Variants in AGAP1 observed in about 807,000 individuals in gnomAD.
AGAP1 encodes the protein ArfGAP with GTPase domain, ankyrin repeat and PH domain 1.
A neutral mutation model predicts 105.3 loss-of-function variants in AGAP1; 29 were observed. That is an observed-to-expected ratio of 0.28 (90% confidence interval 0.21 to 0.38). AGAP1 has a LOEUF of 0.38. Among genes scored for constraint, AGAP1 ranks in the 10% least tolerant of loss-of-function variants. The pLI is 1.00. For missense variants in AGAP1, 998 were observed against 1,165.1 expected (o/e 0.86, Z 2.09); for synonymous variants, 509 against 485.9 (o/e 1.05, Z -0.63).
At chr2:235,668,290 C>A (rs1948196655) in intron 1 of AGAP1, among the ~76,000 whole-genome samples, 1 of 152,164 alleles carries the variant, frequency 6.6e-6, no homozygotes. Flanking sequence ...TAGGCTATAA[C>A]TTCTATAACT....
chr2:236,109,688 C>T lies in AGAP1; in HGVS notation c.2115-10504C>T, dbSNP rs988056972. Among the ~76,000 whole-genome samples the T allele has an allele frequency of 1.3e-5, 2 of 152,224 alleles. No homozygotes were observed. The highest frequency in any genetic ancestry group is 2.4e-5 in the African/African-American group (1 of 41,454). ...AGCGTCGGTGCTCTGGACCGGCAGC[C>T]GTGGAAACGTTCTGGATCCGAGCAT... On this transcript the variant is annotated intron_variant, in intron 16 of 17. Coordinates refer to ENST00000304032, the MANE Select transcript of AGAP1 (RefSeq NM_001037131.3). This position sits in a 1 kb window ranked among gnomAD's most constrained non-coding sequence, Gnocchi z 5.4.
chr2:235,926,350 C>T (rs987477064), intron 11 of AGAP1, among the ~76,000 whole-genome samples: 4 of 152,154 alleles, frequency 2.6e-5, no homozygotes, highest in Non-Finnish European at 4.4e-5. Context: ...AAACTGTGGC[C>T]ACTGGCCTGG....
At chr2:235,837,028 C>T (rs1003675354) in intron 9 of AGAP1, among the ~76,000 whole-genome samples, 9 of 152,176 alleles carry the variant, frequency 5.9e-5, no homozygotes, top group African/African-American at 9.7e-5. Context: ...TCTTGTTGCC[C>T]GGTCTGGAGT....
rs563448818 is a variant in AGAP1 at position 236,056,456 on chromosome 2, G to T, written c.2114+7175G>T. Among the ~76,000 whole-genome samples the T allele has an allele frequency of 2.0e-5, 3 of 152,332 alleles. No homozygotes were observed. In the South Asian group the frequency reaches 6.2e-4, roughly 32 times the overall value. On this transcript the variant is annotated intron_variant, in intron 16 of 17. Transcript: ENST00000304032. The surrounding 1 kb of genome is among the most constrained non-coding windows in gnomAD (Gnocchi z 4.6). ...AGATGAGAAGGCAAGTCATCAGCAG[G>T]CAGCAACTGGCTTCCAGGTGCCCTG...
intron 1 of AGAP1, among the ~76,000 whole-genome samples, chr2:235,646,997 G>C (rs1401314965): frequency 1.3e-5 from 2 of 152,034 alleles, no homozygotes; most frequent in African/African-American, 4.8e-5. Context: ...TTAGCTGGGC[G>C]TGGTGGCAGG....
At chr2:235,757,127 A>T (rs1312143913) in intron 6 of AGAP1, among the ~76,000 whole-genome samples, 1 of 152,212 alleles carries the variant, frequency 6.6e-6, no homozygotes, top group East Asian at 1.9e-4. Context: ...TACATGCAGA[A>T]CTTTGATAGT....
chr2:235,528,593 GT>G (rs1208285454), intron 1 of AGAP1, among the ~76,000 whole-genome samples: 2 of 152,114 alleles, frequency 1.3e-5, no homozygotes, highest in African/African-American at 4.8e-5. Flanking sequence ...AATAAATGAT[GT>G]TTGCTCCGCT....
At chr2:235,807,366 C>A (rs537595480) in intron 9 of AGAP1, 35 bp downstream of exon 9, 1 of 1,548,550 alleles carries the variant, frequency 6.5e-7, no homozygotes, top group Non-Finnish European at 8.7e-7. Flanking sequence ...TCCCTGTCGC[C>A]GGAGATACAC....
chr2:235,648,303 G>C (rs1947460073), intron 1 of AGAP1, among the ~76,000 whole-genome samples: 1 of 152,064 alleles, frequency 6.6e-6, no homozygotes, highest in Non-Finnish European at 1.5e-5. Context: ...TTGTGAAAGT[G>C]CAGCAGTGCA....
rs964631381 is a variant in AGAP1 at position 235,865,465 on chromosome 2, A to C, written c.1051-17880A>C. 6.6e-6 allele frequency among the ~76,000 whole-genome samples: 1 copy of C among 152,152 alleles called. No homozygotes were observed. Among genetic ancestry groups the C allele is most frequent in the African/African-American group, 2.4e-5 (1 of 41,566 alleles). On this transcript the variant is annotated intron_variant, in intron 9 of 17. Coordinates refer to ENST00000304032, the MANE Select transcript of AGAP1 (RefSeq NM_001037131.3). This position sits in a 1 kb window ranked among gnomAD's most constrained non-coding sequence, Gnocchi z 6.2. Reference sequence around the variant, plus strand: ...GATTGCTGGAGATGCTGACAGCTCAATTAAAGTGTAACCCTTTGTGCCCTG... The same window carrying C: ...GATTGCTGGAGATGCTGACAGCTCACTTAAAGTGTAACCCTTTGTGCCCTG...
rs567759356 is a variant in AGAP1, at chr2:235,645,103, C to A, written c.164-64076C>A. Among the ~76,000 whole-genome samples, 369 of 152,190 alleles carry A rather than the reference C, an allele frequency of 2.4e-3. 3 individuals carry two copies. The highest frequency in any genetic ancestry group is 8.6e-3 in the African/African-American group (359 of 41,508). On this transcript the variant is annotated intron_variant, in intron 1 of 17. Transcript: ENST00000304032. ...TAGAGACAGGGTTTTACCATGTTGG[C>A]CAGGCTGGTCTAGAATTCCTGACCT...
rs1209289777 is a variant in AGAP1, at chr2:236,109,433, TAATA to T, written c.2115-10755_2115-10752del. On this transcript the variant is annotated intron_variant, in intron 16 of 17. Transcript: ENST00000304032. This position sits in a 1 kb window ranked among gnomAD's most constrained non-coding sequence, Gnocchi z 5.4. ...TTGTAATTATTATAAATATTTATAA[TAATA>T]AATTATAGATAGTTTTGATAGGGAA... is the stretch of plus-strand genomic sequence containing the variant. Among the ~76,000 whole-genome samples the T allele has an allele frequency of 1.3e-5, 2 of 152,100 alleles. No individual in the cohort carries two copies. The highest frequency in any genetic ancestry group is 4.8e-5 in the African/African-American group (2 of 41,446).
intron 1 of AGAP1, among the ~76,000 whole-genome samples, chr2:235,697,121 G>T (rs927436910): frequency 1.3e-5 from 2 of 152,206 alleles, no homozygotes; most frequent in African/African-American, 4.8e-5. Flanking sequence ...CCAGGCACCA[G>T]CCAGCTTTAG....
intron 1 of AGAP1, among the ~76,000 whole-genome samples, chr2:235,512,099 G>GAGTA (rs55960286): frequency 1.4e-5 from 2 of 146,076 alleles, no homozygotes; most frequent in South Asian, 4.5e-4. Flanking sequence ...ATGTGTGTGT[G>GAGTA]TGTGAATGTG....
In AGAP1 at chr2:236,082,880, G is replaced by C. The variant is rs139521489; in HGVS notation, c.2114+33599G>C. On this transcript the variant is annotated intron_variant, in intron 16 of 17. Transcript: ENST00000304032. This position sits in a 1 kb window ranked among gnomAD's most constrained non-coding sequence, Gnocchi z 4.2. ...ACAAGAGCAAAACTCCATCAGCCGG[G>C]CACAATGGCTCACGCCTGTAATCCC... is the stretch of plus-strand genomic sequence containing the variant. Among the ~76,000 whole-genome samples the C allele has an allele frequency of 1.3e-4, 19 of 150,786 alleles. No homozygotes were observed. Among genetic ancestry groups the C allele is most frequent in the Non-Finnish European group, 2.4e-4 (16 of 67,852 alleles).
chr2:235,902,537 A>T (rs570492805), intron 10 of AGAP1, among the ~76,000 whole-genome samples: 6 of 152,356 alleles, frequency 3.9e-5, no homozygotes, highest in African/African-American at 1.4e-4. Flanking sequence ...TTTTCATCAT[A>T]TAACATCAAA....
In AGAP1 at chr2:236,016,353, T is replaced by A. The variant is rs1018068359; in HGVS notation, c.1646-20208T>A. Reference sequence around the variant, plus strand: ...TAGCGTGCATATCATTTCTCCTCCCTGTGTCCTTATCAAATATGTTGGGTT... The same window carrying A: ...TAGCGTGCATATCATTTCTCCTCCCAGTGTCCTTATCAAATATGTTGGGTT... On this transcript the variant is annotated intron_variant, in intron 13 of 17. Coordinates refer to ENST00000304032, the MANE Select transcript of AGAP1 (RefSeq NM_001037131.3). 5.3e-5 allele frequency among the ~76,000 whole-genome samples: 8 copies of A among 151,120 alleles called. No individual in the cohort carries two copies. The East Asian group carries it at 1.6e-3, about 29-fold the overall frequency.
rs2055164344 is a variant in AGAP1, at chr2:235,983,137, A to T, written c.1645+14514A>T. On this transcript the variant is annotated intron_variant, in intron 13 of 17. Transcript: ENST00000304032. The surrounding 1 kb of genome is among the most constrained non-coding windows in gnomAD (Gnocchi z 4.5). ...AAGCTGGCCTCAGGGGTCTCCCAGG[A>T]TGCTGGGGCTGGTGGACGACCCCAG... Among the ~76,000 whole-genome samples, 1 of 152,102 alleles carries T rather than the reference A, an allele frequency of 6.6e-6. No homozygotes were observed. Among genetic ancestry groups the T allele is most frequent in the Non-Finnish European group, 1.5e-5 (1 of 67,992 alleles).
At position 235,586,267 on chromosome 2, in the gene AGAP1, G is replaced by C. The variant is rs1574906912; in HGVS notation, c.163+91418G>C. 6.6e-6 allele frequency among the ~76,000 whole-genome samples: 1 copy of C among 152,182 alleles called. No individual in the cohort carries two copies. The highest frequency in any genetic ancestry group is 1.5e-5 in the Non-Finnish European group (1 of 68,040). On this transcript the variant is annotated intron_variant, in intron 1 of 17. Coordinates refer to ENST00000304032, the MANE Select transcript of AGAP1 (RefSeq NM_001037131.3). The surrounding 1 kb of genome is among the most constrained non-coding windows in gnomAD (Gnocchi z 4.2). ...TCCAGAAGAGAGGAGAGAGAAGCCC[G>C]CTGCACTCTCCACTGACCAGACCAC...
Sources: allele counts gnomAD v4.1 joint callset (sites outside exome capture counted in the v4.1 genomes callset), GRCh38; gene constraint gnomAD v4.1.1; non-coding constraint Gnocchi (gnomAD v3.1); transcripts MANE v1.5; gene names NCBI Gene and HGNC (gene_info 2026-07-23, HGNC 2026-07-21).